DCC: variants seen among roughly 807,000 people sequenced by gnomAD.
DCC encodes the protein DCC netrin 1 receptor, also known as netrin receptor DCC.
DCC carries 58 observed loss-of-function variants against 172.5 expected under a neutral mutation model. The ratio of observed to expected loss-of-function variants is 0.34; its 90% CI spans 0.27 to 0.42. DCC has a LOEUF of 0.42. Ranked by LOEUF, DCC falls within the 10% of genes least tolerant of loss-of-function variation. DCC has a pLI of 1.00. For synonymous variants in DCC, 709 were observed against 644.5 expected (o/e 1.10, Z -1.52); for missense variants, 1,740 against 1,791.0 (o/e 0.97, Z 0.51).
At chr18:53,214,831 A>G (rs1273809976) in intron 11 of DCC, among the ~76,000 whole-genome samples, 1 of 152,174 alleles carries the variant, frequency 6.6e-6, no homozygotes, top group African/African-American at 2.4e-5. Flanking sequence ...TTGGTAGAGT[A>G]AATATTTATT....
chr18:53,444,044 T>G (rs1427423775), intron 22 of DCC, among the ~76,000 whole-genome samples: 1 of 152,218 alleles, frequency 6.6e-6, no homozygotes, highest in Non-Finnish European at 1.5e-5. Context: ...GTTGTGAATA[T>G]TTTTGAAGTG....
chr18:52,679,255 T>A (rs1470100797), intron 1 of DCC, among the ~76,000 whole-genome samples: 1 of 152,022 alleles, frequency 6.6e-6, no homozygotes, highest in Admixed American at 6.6e-5. Flanking sequence ...ATTTTTAAAA[T>A]TTTAGATATT....
chr18:53,465,831 C>T (rs1190627514), intron 24 of DCC, among the ~76,000 whole-genome samples: 1 of 152,034 alleles, frequency 6.6e-6, no homozygotes, highest in Non-Finnish European at 1.5e-5. Context: ...GTGGCACAAC[C>T]TCAGCTCACT....
At chr18:53,321,622 C>A (rs2057412387) in intron 13 of DCC, among the ~76,000 whole-genome samples, 1 of 152,042 alleles carries the variant, frequency 6.6e-6, no homozygotes, top group African/African-American at 2.4e-5. Context: ...TCTTTGGATT[C>A]TTGATTTTTG....
At chr18:52,460,339 C>T (rs1432923610) in intron 1 of DCC, among the ~76,000 whole-genome samples, 2 of 152,132 alleles carry the variant, frequency 1.3e-5, no homozygotes, top group Admixed American at 1.3e-4. Context: ...TCTGATTCTG[C>T]TTTTAGCTAA....
At position 52,917,827 on chromosome 18, in the gene DCC, A is replaced by G. The variant is rs375241860; in HGVS notation, c.698-5880A>G. On this transcript the variant is annotated intron_variant, in intron 3 of 28. Transcript: ENST00000442544. ...TTAACATTTTCTCCCCAATAGGGAA[A>G]TGCTAAACTAGGCTTGAGTTCAAGT... Among the ~76,000 whole-genome samples, 161 of 152,352 alleles carry G rather than the reference A, an allele frequency of 1.1e-3. 1 individual carries two copies. The highest frequency in any genetic ancestry group is 3.8e-3 in the African/African-American group (158 of 41,598).
intron 19 of DCC, 109 bp from the exon 20 acceptor site, chr18:53,410,343 G>A (rs1909906784): frequency 1.3e-6 from 1 of 759,226 alleles, no homozygotes; most frequent in Admixed American, 1.8e-5. Context: ...TTTACAGATT[G>A]TGGACATATA....
intron 1 of DCC, among the ~76,000 whole-genome samples, chr18:52,390,488 T>G (rs1178746512): frequency 6.6e-6 from 1 of 152,104 alleles, no homozygotes; most frequent in African/African-American, 2.4e-5. Context: ...CCTAATAAAT[T>G]TAAAAATAAA....
intron 15 of DCC, among the ~76,000 whole-genome samples, chr18:53,363,578 C>T (rs554329403): frequency 7.9e-5 from 12 of 152,180 alleles, no homozygotes; most frequent in Admixed American, 3.3e-4. Context: ...TCTTCCTCAC[C>T]GGCATAGACA....
At chr18:52,654,543 C>T (rs903178252) in intron 1 of DCC, among the ~76,000 whole-genome samples, 1 of 152,182 alleles carries the variant, frequency 6.6e-6, no homozygotes, top group Admixed American at 6.5e-5. Flanking sequence ...TGGATGGCTA[C>T]CTTCCTCACA....
chr18:52,606,138 G>A lies in DCC; in HGVS notation c.92-145916G>A, dbSNP rs139404078. On this transcript the variant is annotated intron_variant, in intron 1 of 28. Transcript: ENST00000442544. ...ATTTTCTAGAAGTCAGTGTGAAATT[G>A]CCACTTCTATCTTCAAGGAAGGCTG... is the stretch of plus-strand genomic sequence containing the variant. Among the ~76,000 whole-genome samples the A allele has an allele frequency of 7.0e-4, 107 of 152,096 alleles. 1 individual carries two copies. The East Asian group carries it at 0.018, about 25-fold the overall frequency.
At chr18:52,798,956 C>A (rs1484543252) in intron 2 of DCC, among the ~76,000 whole-genome samples, 1 of 151,784 alleles carries the variant, frequency 6.6e-6, no homozygotes, top group Non-Finnish European at 1.5e-5. Flanking sequence ...ACTATGTTGG[C>A]CAGGCTGGTC....
At chr18:53,518,609 C>A (rs557075701) in intron 27 of DCC, among the ~76,000 whole-genome samples, 1 of 152,244 alleles carries the variant, frequency 6.6e-6, no homozygotes, top group Non-Finnish European at 1.5e-5. Flanking sequence ...TCTCAGAACT[C>A]CAGCCCATTT....
chr18:52,847,658 A>G (rs1256387977), intron 2 of DCC, among the ~76,000 whole-genome samples: 1 of 152,104 alleles, frequency 6.6e-6, no homozygotes, highest in Non-Finnish European at 1.5e-5. Context: ...TCAATTCTTC[A>G]ATTGAGACTA....
rs575265021 is a variant in DCC at position 53,205,933 on chromosome 18, A to G, written c.1722+569A>G. Among the ~76,000 whole-genome samples, 16 of 151,934 alleles carry G rather than the reference A, an allele frequency of 1.1e-4. No individual in the cohort carries two copies. The South Asian group carries it at 2.7e-3, about 26-fold the overall frequency. On this transcript the variant is annotated intron_variant, in intron 10 of 28. Coordinates refer to ENST00000442544, the MANE Select transcript of DCC (RefSeq NM_005215.4). Reference sequence around the variant, plus strand: ...AGCAAATTAACTGTTCAGGTAAACTAAAAGTAAAAAGGTCTTTAGGGAGAC... The same window carrying G: ...AGCAAATTAACTGTTCAGGTAAACTGAAAGTAAAAAGGTCTTTAGGGAGAC...
chr18:52,417,956 C>T (rs570232343), intron 1 of DCC, among the ~76,000 whole-genome samples: 4 of 152,274 alleles, frequency 2.6e-5, no homozygotes, highest in African/African-American at 9.6e-5. Flanking sequence ...AGGACCATAG[C>T]GCAGCTCTGT....
chr18:53,031,971 A>G (rs555357764), intron 5 of DCC, among the ~76,000 whole-genome samples: 4 of 152,146 alleles, frequency 2.6e-5, no homozygotes, highest in Admixed American at 6.6e-5. Context: ...CTGGTCCAGC[A>G]ATATAAGAAT....
chr18:52,728,751 T>A (rs1186403092), intron 1 of DCC, among the ~76,000 whole-genome samples: 1 of 152,174 alleles, frequency 6.6e-6, no homozygotes, highest in Non-Finnish European at 1.5e-5. Context: ...AGAGCCCAAA[T>A]GAGGGCCTAC....
At chr18:53,449,662 A>C (rs887088510) in intron 22 of DCC, among the ~76,000 whole-genome samples, 1 of 152,196 alleles carries the variant, frequency 6.6e-6, no homozygotes, top group African/African-American at 2.4e-5. Context: ...CTTGTCACTC[A>C]GGAATTCTTA....
Sources: allele counts gnomAD v4.1 joint callset (sites outside exome capture counted in the v4.1 genomes callset), GRCh38; gene constraint gnomAD v4.1.1; transcripts MANE v1.5; gene names NCBI Gene and HGNC (gene_info 2026-07-23, HGNC 2026-07-21).